CD99L2: variants seen among roughly 807,000 people sequenced by gnomAD.
CD99L2 encodes the protein CD99 molecule like 2.
A neutral mutation model predicts 27.3 loss-of-function variants in CD99L2; 24 were observed. The observed-to-expected ratio is 0.88, with a 90% confidence interval of 0.64 to 1.24. CD99L2 has a LOEUF of 1.24. Ranked by LOEUF, CD99L2 falls within the 50% of genes most tolerant of loss-of-function variation. The probability of loss-of-function intolerance (pLI) is 0.00; values close to 1 mark genes in which losing one functional copy is unlikely to be tolerated. For missense variants in CD99L2, 255 were observed against 221.6 expected (o/e 1.15, Z -0.96); for synonymous variants, 97 against 87.9 (o/e 1.10, Z -0.58).
intron 1 of CD99L2, 72 bp from the exon 2 acceptor site, chrX:150,831,365 G>T: frequency 1.1e-6 from 1 of 875,340 alleles, no homozygotes; most frequent in Non-Finnish European, 1.6e-6. Flanking sequence ...CTCTAGAAAT[G>T]GTCATTTCCC....
chrX:150,883,715 T>C (rs782227326), intron 1 of CD99L2, among the ~76,000 whole-genome samples: 1 of 110,518 alleles, frequency 9.0e-6, no homozygotes, highest in South Asian at 3.8e-4. Flanking sequence ...AAAAAATAAA[T>C]AAATAAGTAA....
intron 1 of CD99L2, among the ~76,000 whole-genome samples, chrX:150,836,994 C>T (rs185251539): frequency 1.1e-3 from 123 of 112,119 alleles, no homozygotes; most frequent in East Asian, 2.8e-3. Context: ...TAGCTATATA[C>T]AGAAATATTT....
rs2046403128 is a variant in CD99L2, at chrX:150,829,098, A to T, written c.130+2133T>A. On this transcript the variant is annotated intron_variant, in intron 2 of 10. Coordinates refer to ENST00000370377, the MANE Select transcript of CD99L2 (RefSeq NM_031462.4). ...CCCAAAGCCTAAAACAGTAACTGAT[A>T]CACAGCTGGCACTCAGACATTTACT... 7 of 117,922 alleles carry T rather than the reference A, an allele frequency of 5.9e-5. No individual in the cohort carries two copies. The South Asian group carries it at 2.2e-3, about 37-fold the overall frequency. The allele number at this position is 117,922 out of a possible 1,213,427, so 9.7% of individuals were successfully genotyped here.
intron 7 of CD99L2, among the ~76,000 whole-genome samples, chrX:150,784,820 G>A (rs1557419508): frequency 1.8e-5 from 2 of 112,375 alleles, no homozygotes; most frequent in East Asian, 2.8e-4. Flanking sequence ...TCTAGCAGAA[G>A]CAAAAAAGAT....
rs368100797 is a variant in CD99L2 at position 150,818,201 on chromosome X, G to GATATATATAT, written c.131-2133_131-2124dup. Among the ~76,000 whole-genome samples, 243 of 86,252 alleles carry GATATATATAT rather than the reference G, an allele frequency of 2.8e-3. 3 individuals carry two copies. Among genetic ancestry groups the GATATATATAT allele is most frequent in the Middle Eastern group, 6.2e-3 (1 of 162 alleles). 74.9% of individuals were successfully genotyped at this position (86,252 alleles called of 115,157 possible). ...CAATCACAGAAGAAACAAGTAGGCA[G>GATATATATAT]ATATATATATATATATATATATGAC... On this transcript the variant is annotated intron_variant, in intron 2 of 10. Transcript: ENST00000370377.
intron 1 of CD99L2, among the ~76,000 whole-genome samples, chrX:150,886,075 C>T (rs2047404154): frequency 8.9e-6 from 1 of 111,869 alleles, no homozygotes; most frequent in Non-Finnish European, 1.9e-5. Flanking sequence ...GAGCTTAGAA[C>T]TTGCCCTGTA....
At chrX:150,806,659 G>C (rs782064046) in intron 4 of CD99L2, among the ~76,000 whole-genome samples, 16 of 111,753 alleles carry the variant, frequency 1.4e-4, no homozygotes, top group Non-Finnish European at 2.6e-4. Context: ...GGGAGGCCGA[G>C]GTGGGCAGAT....
chrX:150,892,442 T>C (rs1266822661), intron 1 of CD99L2, among the ~76,000 whole-genome samples: 3 of 104,203 alleles, frequency 2.9e-5, no homozygotes, highest in African/African-American at 1.1e-4. Flanking sequence ...TCGCCTCTAC[T>C]ACAAATACAA....
At chrX:150,873,519 C>A (rs977760906) in intron 1 of CD99L2, among the ~76,000 whole-genome samples, 1 of 111,896 alleles carries the variant, frequency 8.9e-6, no homozygotes, top group Non-Finnish European at 1.9e-5. Context: ...GCACTAAATG[C>A]CATTGAATTG....
intron 4 of CD99L2, among the ~76,000 whole-genome samples, chrX:150,800,571 C>T (rs2045888241): frequency 9.0e-6 from 1 of 111,393 alleles, no homozygotes; most frequent in Non-Finnish European, 1.9e-5. Flanking sequence ...AATACTATGC[C>T]ATTTCATATC....
intron 1 of CD99L2, among the ~76,000 whole-genome samples, chrX:150,898,059 C>T (rs1359712297): frequency 8.9e-5 from 2 of 22,427 alleles, no homozygotes; most frequent in Admixed American, 2.8e-4. Context: ...CGCTGACCCC[C>T]CCCCCCCCCC....
intron 1 of CD99L2, among the ~76,000 whole-genome samples, chrX:150,867,242 T>C (rs1417604110): frequency 5.4e-5 from 6 of 110,855 alleles, no homozygotes; most frequent in Non-Finnish European, 7.5e-5. Context: ...AAACCCTGTC[T>C]GTACCAAAAA....
chrX:150,862,886 GAAAGA>G (rs782333031), intron 1 of CD99L2, among the ~76,000 whole-genome samples: 1 of 108,705 alleles, frequency 9.2e-6, no homozygotes, highest in Non-Finnish European at 1.9e-5. Flanking sequence ...GAAAAAGAAA[GAAAGA>G]AAAGAAAAGA....
chrX:150,816,113 G>A (rs782352725), intron 2 of CD99L2, 35 bp from the exon 3 acceptor site: 18 of 1,159,350 alleles, frequency 1.6e-5, no homozygotes, highest in South Asian at 3.6e-5. Context: ...AGGGGAGCAC[G>A]TTTAGTAACA....
rs148016259 is a variant in CD99L2 at position 150,838,035 on chromosome X, G to C, written c.68-6742C>G. On this transcript the variant is annotated intron_variant, in intron 1 of 10. Coordinates refer to ENST00000370377, the MANE Select transcript of CD99L2 (RefSeq NM_031462.4). ...TGTACAATGATGAGTCCTGTTGACA[G>C]TATGTTCCCTTGATATAATGTGACA... Among the ~76,000 whole-genome samples, 36 of 112,723 alleles carry C rather than the reference G, an allele frequency of 3.2e-4. No individual in the cohort carries two copies. In the East Asian group the frequency reaches 8.9e-3, roughly 28 times the overall value.
intron 1 of CD99L2, 21 bp from the exon 2 acceptor site, chrX:150,831,314 T>A (rs199682649): frequency 1.3e-4 from 138 of 1,078,180 alleles, no homozygotes; most frequent in Middle Eastern, 3.1e-4. Flanking sequence ...AAAAAAAAAA[T>A]TAAACTATCT....
chrX:150,862,986 G>A (rs2047003657), intron 1 of CD99L2, among the ~76,000 whole-genome samples: 1 of 112,563 alleles, frequency 8.9e-6, no homozygotes, highest in African/African-American at 3.2e-5. Context: ...ATCCTGTTCT[G>A]CTAAACCTTT....
intron 1 of CD99L2, among the ~76,000 whole-genome samples, chrX:150,855,535 C>T (rs1343794377): frequency 9.0e-6 from 1 of 111,178 alleles, no homozygotes; most frequent in Non-Finnish European, 1.9e-5. Flanking sequence ...AACTCACTCA[C>T]TATCATGAGA....
At chrX:150,863,927 C>T (rs782324800) in intron 1 of CD99L2, among the ~76,000 whole-genome samples, 1 of 111,918 alleles carries the variant, frequency 8.9e-6, no homozygotes, top group African/African-American at 3.2e-5. Flanking sequence ...CCACCACCAG[C>T]AGCAGGGAGA....
Sources: allele counts gnomAD v4.1 joint callset (sites outside exome capture counted in the v4.1 genomes callset), GRCh38; gene constraint gnomAD v4.1.1; transcripts MANE v1.5; gene names NCBI Gene and HGNC (gene_info 2026-07-23, HGNC 2026-07-21).